ESRRG: variants seen among roughly 807,000 people sequenced by gnomAD.
ESRRG encodes estrogen related receptor gamma, also known as estrogen-related receptor gamma.
ESRRG carries 13 observed loss-of-function variants against 44.0 expected under a neutral mutation model. The observed-to-expected ratio is 0.30, with a 90% CI of 0.19 to 0.47. The LOEUF is 0.47. Ranked by LOEUF, ESRRG falls within the 20% of genes least tolerant of loss-of-function variation. ESRRG has a pLI of 1.00. For synonymous variants in ESRRG, 215 were observed against 214.6 expected (o/e 1.00, Z -0.02); for missense variants, 395 against 580.6 (o/e 0.68, Z 3.29).
chr1:216,637,809 C>T (rs990328926), intron 3 of ESRRG, among the ~76,000 whole-genome samples: 11 of 151,724 alleles, frequency 7.3e-5, no homozygotes. Context: ...ATACCAATTG[C>T]TATATTGTCA....
chr1:216,505,228 G>A lies in ESRRG; in HGVS notation c.*1711C>T, dbSNP rs756757108. On this transcript the variant is annotated 3_prime_UTR_variant, in exon 7 of 7. Coordinates refer to ENST00000408911, the MANE Select transcript of ESRRG (RefSeq NM_001438.4). ...GGTTACTGTTTATTGGTTATTCAGC[G>A]ACTGTAGATTTCGGGGCATCTAATT... is the stretch of plus-strand genomic sequence containing the variant. 3.3e-4 allele frequency: 50 copies of A among 152,584 alleles called. No homozygotes were observed. Among genetic ancestry groups the A allele is most frequent in the Non-Finnish European group, 5.1e-4 (35 of 68,028 alleles). The allele number at this position is 152,584 out of a possible 1,614,324, so 9.5% of individuals were successfully genotyped here. A position where few individuals can be genotyped will look rare whatever the true frequency, so the allele number is the denominator to read the frequency against.
At chr1:216,858,487 C>T (rs550946029) in intron 2 of ESRRG, among the ~76,000 whole-genome samples, 2 of 129,990 alleles carry the variant, frequency 1.5e-5, no homozygotes, top group African/African-American at 6.4e-5. Context: ...AGTTGTTGTA[C>T]GACCTCACTA....
In ESRRG at chr1:217,015,549, GAT is replaced by G. The variant is rs1488449080; in HGVS notation, c.-106+73956_-106+73957del. Among the ~76,000 whole-genome samples the G allele has an allele frequency of 2.0e-5, 3 of 152,084 alleles. No individual in the cohort carries two copies. The East Asian group carries it at 5.8e-4, about 29-fold the overall frequency. On this transcript the variant is annotated intron_variant, in intron 1 of 7. Transcript: ENST00000359162. ...GAGCTCTAAGTGTTTATGTCATCCT[GAT>G]ACATGGAAATTTCCTTAATTAACTA...
chr1:216,803,641 G>A (rs2094693289), intron 2 of ESRRG, among the ~76,000 whole-genome samples: 1 of 152,006 alleles, frequency 6.6e-6, no homozygotes, highest in Non-Finnish European at 1.5e-5. Context: ...GGTGTATTCA[G>A]GGCTCTCTGT....
At chr1:216,724,840 G>A (rs1341265873), upstream of ESRRG, among the ~76,000 whole-genome samples, 1 of 151,982 alleles carries the variant, frequency 6.6e-6, no homozygotes, top group East Asian at 1.9e-4. Context: ...ATAGATACCA[G>A]CTATTTATGG....
At chr1:216,649,847 C>T (rs1447070802) in intron 3 of ESRRG, among the ~76,000 whole-genome samples, 1 of 151,970 alleles carries the variant, frequency 6.6e-6, no homozygotes, top group Non-Finnish European at 1.5e-5. Context: ...GAAGAACAAA[C>T]CAGGAAAAAT....
chr1:216,940,642 T>C (rs1199551755), intron 1 of ESRRG, among the ~76,000 whole-genome samples: 1 of 152,170 alleles, frequency 6.6e-6, no homozygotes, highest in Non-Finnish European at 1.5e-5. Flanking sequence ...ATGAATGTGG[T>C]AACTGTAGAC....
chr1:216,864,838 G>A (rs977292534), intron 2 of ESRRG: 17 of 152,114 alleles, frequency 1.1e-4, no homozygotes, highest in African/African-American at 4.1e-4. Context: ...AGGAGTTTGG[G>A]ATGCAGGATC....
intron 1 of ESRRG, among the ~76,000 whole-genome samples, chr1:217,084,066 C>T (rs2091928549): frequency 6.7e-6 from 1 of 150,046 alleles, no homozygotes; most frequent in African/African-American, 2.5e-5. Flanking sequence ...ATACATGCTC[C>T]ACCAAAAAAA....
intron 1 of ESRRG, among the ~76,000 whole-genome samples, chr1:216,712,414 T>C (rs1431834979): frequency 6.6e-6 from 1 of 152,214 alleles, no homozygotes; most frequent in African/African-American, 2.4e-5. Flanking sequence ...TTTCTAAGTT[T>C]ACTCAGGACA....
At chr1:216,734,931 C>T (rs926414823) in intron 2 of ESRRG, among the ~76,000 whole-genome samples, 10 of 102,672 alleles carry the variant, frequency 9.7e-5, no homozygotes, top group East Asian at 6.7e-4. Flanking sequence ...TTTTTTGAGA[C>T]GGAGTCTTCC....
At chr1:216,751,201 T>G (rs1282826212) in intron 2 of ESRRG, among the ~76,000 whole-genome samples, 7 of 152,182 alleles carry the variant, frequency 4.6e-5, no homozygotes, top group African/African-American at 1.7e-4. Flanking sequence ...AGTGTATGTC[T>G]CTAAATCAAG....
At chr1:216,782,988 T>A (rs1212072729) in intron 2 of ESRRG, among the ~76,000 whole-genome samples, 1 of 151,942 alleles carries the variant, frequency 6.6e-6, no homozygotes. Context: ...CTCTGTTCAT[T>A]ATAAATAGCC....
chr1:216,612,295 T>C (rs1486791540), intron 3 of ESRRG, among the ~76,000 whole-genome samples: 1 of 152,048 alleles, frequency 6.6e-6, no homozygotes, highest in Non-Finnish European at 1.5e-5. Flanking sequence ...GGTAGCAATC[T>C]GTATATTTAA....
At position 217,081,135 on chromosome 1, in the gene ESRRG, T is replaced by G. The variant is rs554605332; in HGVS notation, c.-106+8372A>C. 4.6e-5 allele frequency among the ~76,000 whole-genome samples: 7 copies of G among 152,100 alleles called. No homozygotes were observed. In the South Asian group the frequency reaches 1.5e-3, roughly 32 times the overall value. On this transcript the variant is annotated intron_variant, in intron 1 of 7. Coordinates refer to the ESRRG transcript ENST00000359162. The stretch of plus-strand genomic sequence containing the variant: ...ATTTCTTAAATAATTATTGATCTAC[T>G]GCTTCATTTTATGCATTAAAATGTA...
chr1:216,857,362 G>GA (rs769553632), intron 2 of ESRRG, among the ~76,000 whole-genome samples: 2,486 of 125,200 alleles, frequency 0.02, 33 homozygotes, highest in Middle Eastern at 0.047. Context: ...CACCCTTTGG[G>GA]AAAAAAAAAA....
chr1:216,546,911 C>T (rs2054683558), intron 5 of ESRRG, among the ~76,000 whole-genome samples: 2 of 151,738 alleles, frequency 1.3e-5, no homozygotes, highest in South Asian at 4.1e-4. Flanking sequence ...ACCCGTCAAA[C>T]CATCAGCTAC....
chr1:217,058,718 A>G (rs1342881648), intron 1 of ESRRG, among the ~76,000 whole-genome samples: 1 of 152,010 alleles, frequency 6.6e-6, no homozygotes, highest in Non-Finnish European at 1.5e-5. Context: ...GATTACTATT[A>G]GAATATTATT....
At chr1:216,542,821 T>C (rs2053298088) in intron 5 of ESRRG, among the ~76,000 whole-genome samples, 1 of 152,032 alleles carries the variant, frequency 6.6e-6, no homozygotes, top group Admixed American at 6.6e-5. Flanking sequence ...GAGTCTTGCA[T>C]GTCTCATGCA....
Sources: gnomAD v4.1 joint callset for allele counts (sites outside exome capture counted in the v4.1 genomes callset) on GRCh38, gnomAD v4.1.1 for gene constraint, MANE v1.5 for transcripts, NCBI Gene and HGNC (gene_info 2026-07-23, HGNC 2026-07-21) for gene names.